Variants in OCRL observed in about 807,000 individuals in gnomAD.
The protein encoded by OCRL is inositol polyphosphate 5-phosphatase OCRL.
In OCRL, 8 loss-of-function variants were observed where a neutral mutation model predicts 78.9. That is an observed-to-expected ratio of 0.10 (90% CI 0.06 to 0.18). OCRL has a LOEUF of 0.18. OCRL is among the 10% of genes least tolerant of loss of function. OCRL has a pLI of 1.00. For synonymous variants in OCRL, 240 were observed against 235.4 expected (o/e 1.02, Z -0.18); for missense variants, 454 against 696.7 (o/e 0.65, Z 3.92).
At chrX:129,579,055 T>C (rs1460555229) in intron 18 of OCRL, among the ~76,000 whole-genome samples, 1 of 111,464 alleles carries the variant, frequency 9.0e-6, no homozygotes, top group Non-Finnish European at 1.9e-5. Flanking sequence ...TTTTCAAATA[T>C]ATGCATTATA....
Position 129,569,241 on chromosome X carries a change from A to G in OCRL, c.1467-23A>G, listed in dbSNP as rs372351543. 6 of 1,207,620 alleles carry G rather than the reference A, an allele frequency of 5.0e-6. No individual in the cohort carries two copies. The African/African-American group carries it at 8.7e-5, about 18-fold the overall frequency. On this transcript the variant is annotated intron_variant, in intron 14 of 23. Transcript: ENST00000371113. ...TGTTCTTGTGTGATATGTTCTCTTTATAACTCGTTTCTTTACTTACAGTGG... is the reference window on the plus strand; with the variant it reads ...TGTTCTTGTGTGATATGTTCTCTTTGTAACTCGTTTCTTTACTTACAGTGG...
At position 129,562,754 on chromosome X, in the gene OCRL, G is replaced by A; in HGVS notation, c.1212G>A (p.Gln404=). 1.7e-6 allele frequency: 2 copies of A among 1,211,463 alleles called. No homozygotes were observed. Among genetic ancestry groups the A allele is most frequent in the Non-Finnish European group, 2.2e-6 (2 of 895,288 alleles). The change falls in exon 12 of 24, where the codon CAG becomes CAA. Residue 404 remains glutamine, a synonymous_variant. Coordinates refer to ENST00000371113, the MANE Select transcript of OCRL (RefSeq NM_000276.4). ...GAATGAGTTTTGTGGTCCCAAATCA[G>A]ACCCTCCCGCAGTTGAACATCATGA... ...CARMSFVVPN[Q]TLPQLNIMKH... is the part of the protein sequence containing the mutation.
chrX:129,581,869 C>CTCTCTG (rs1936447574), intron 18 of OCRL, among the ~76,000 whole-genome samples: 1 of 99,474 alleles, frequency 1.0e-5, no homozygotes, highest in African/African-American at 3.7e-5. Flanking sequence ...CTCTCTCTGT[C>CTCTCTG]TCTGTCTCTG....
chrX:129,587,853 G>A (rs1936533821), intron 20 of OCRL, among the ~76,000 whole-genome samples: 2 of 109,069 alleles, frequency 1.8e-5, no homozygotes, highest in South Asian at 8.0e-4. Context: ...TGGGCAACAC[G>A]GTGAAACCCC....
At chrX:129,566,118 AC>A (rs1339493580) in intron 13 of OCRL, among the ~76,000 whole-genome samples, 1 of 112,164 alleles carries the variant, frequency 8.9e-6, no homozygotes, top group Non-Finnish European at 1.9e-5. Flanking sequence ...TTTATTCAAA[AC>A]GTCTTTATCA....
intron 12 of OCRL, among the ~76,000 whole-genome samples, chrX:129,564,034 A>G (rs1407212864): frequency 5.5e-5 from 6 of 109,752 alleles, no homozygotes; most frequent in African/African-American, 2.0e-4. Context: ...ACAAGAAAAA[A>G]ACAACCCCAT....
Position 129,554,981 on chromosome X carries a change from AAAT to A in OCRL, c.239-2341_239-2339del, listed in dbSNP as rs1250098070. ...TAAATAAATAAATAAATAAATAAAT[AAAT>A]AAATAAATAAATAAATAAAAATAAG... On this transcript the variant is annotated intron_variant, in intron 4 of 23. Transcript: ENST00000371113. 1.4e-3 allele frequency among the ~76,000 whole-genome samples: 146 copies of A among 105,845 alleles called. 1 individual carries two copies. The highest frequency in any genetic ancestry group is 4.8e-3 in the African/African-American group (141 of 29,142). The allele number at this position is 105,845 out of a possible 115,157, so 91.9% of individuals were successfully genotyped here.
chrX:129,554,596 T>C (rs2124398103), intron 4 of OCRL: 1 of 111,550 alleles, frequency 9.0e-6, no homozygotes, highest in East Asian at 2.8e-4. Context: ...GGTGGTGTTA[T>C]TAGGACAAAT....
chrX:129,582,559 T>C (rs182720720), intron 18 of OCRL, among the ~76,000 whole-genome samples: 29 of 112,544 alleles, frequency 2.6e-4, no homozygotes, highest in African/African-American at 8.4e-4. Context: ...TCAGATAGAT[T>C]CTTCATTTGA....
chrX:129,557,728 G>C, intron 5 of OCRL, 133 bp from the exon 6 acceptor site: 1 of 579,564 alleles, frequency 1.7e-6, no homozygotes, highest in Non-Finnish European at 3.1e-6. Context: ...CATTTCCTTA[G>C]TTTCTTCCAC....
intron 4 of OCRL, among the ~76,000 whole-genome samples, chrX:129,551,497 C>A (rs768565809): frequency 1.8e-5 from 2 of 111,683 alleles, no homozygotes; most frequent in Admixed American, 1.9e-4. Context: ...TGCAGCGGTG[C>A]CATCTTGGCT....
At chrX:129,548,622 G>A in intron 4 of OCRL, 21 bp downstream of exon 4, 1 of 1,164,382 alleles carries the variant, frequency 8.6e-7, no homozygotes, top group Non-Finnish European at 1.2e-6. Context: ...TTCTGAATGT[G>A]CTTGATTTTT....
At chrX:129,558,816 T>C (rs1227470905) in intron 7 of OCRL, 24 bp from the exon 8 acceptor site, 1 of 1,212,063 alleles carries the variant, frequency 8.3e-7, no homozygotes, top group Non-Finnish European at 1.1e-6. Flanking sequence ...AATTTTACTT[T>C]TGAATCTCTC....
chrX:129,553,141 T>TA (rs1386141749), intron 4 of OCRL: 2 of 112,169 alleles, frequency 1.8e-5, no homozygotes, highest in African/African-American at 6.5e-5. Flanking sequence ...CACTCAAAAT[T>TA]AGTGATGAGA....
chrX:129,557,620 C>T (rs1396358502), intron 5 of OCRL, among the ~76,000 whole-genome samples, 185 bp downstream of exon 5: 1 of 110,856 alleles, frequency 9.0e-6, no homozygotes, highest in Admixed American at 9.6e-5. Context: ...GCTTTAAGGA[C>T]ACTAGGCAAG....
In OCRL at chrX:129,548,664, C is replaced by A. The variant is rs1043614239; in HGVS notation, c.238+63C>A. On this transcript the variant is annotated intron_variant, in intron 4 of 23. Transcript: ENST00000371113. The stretch of plus-strand genomic sequence containing the variant: ...CAAATATTTACTTGAACACTCACTA[C>A]ATTTAAGACACCTTTTGGGGCACAT... The A allele has an allele frequency of 5.8e-5, 54 of 929,900 alleles. No homozygotes were observed. The African/African-American group carries it at 9.4e-4, about 16-fold the overall frequency. 76.6% of individuals were successfully genotyped at this position (929,900 alleles called of 1,213,427 possible).
chrX:129,588,565 G>A (rs1327766437), intron 21 of OCRL, among the ~76,000 whole-genome samples: 2 of 111,380 alleles, frequency 1.8e-5, no homozygotes, highest in African/African-American at 6.5e-5. Context: ...GCCACCACAC[G>A]TACTGTTGAC....
intron 15 of OCRL, among the ~76,000 whole-genome samples, chrX:129,573,688 G>A (rs1239194725): frequency 2.7e-5 from 3 of 111,286 alleles, no homozygotes; most frequent in African/African-American, 9.8e-5. Context: ...CCAAGTGACT[G>A]GGATTACAGG....
At chrX:129,547,992 G>A (rs1199213263) in intron 3 of OCRL, among the ~76,000 whole-genome samples, 1 of 111,977 alleles carries the variant, frequency 8.9e-6, no homozygotes, top group African/African-American at 3.3e-5. Context: ...CTTGCAGACT[G>A]CTTTGCACCC....
Sources: allele counts gnomAD v4.1 joint callset (sites outside exome capture counted in the v4.1 genomes callset), GRCh38; gene constraint gnomAD v4.1.1; transcripts MANE v1.5; gene names NCBI Gene and HGNC (gene_info 2026-07-23, HGNC 2026-07-21).